SMARCA4: variants seen among roughly 807,000 people sequenced by gnomAD.
The protein encoded by SMARCA4 is SWI/SNF-related matrix-associated actin-dependent regulator of chromatin subfamily A member 4.
A neutral mutation model predicts 193.9 loss-of-function variants in SMARCA4; 31 were observed. That is an observed-to-expected ratio of 0.16 (90% CI 0.12 to 0.22). The LOEUF is 0.22. SMARCA4 is among the 10% of genes least tolerant of loss of function. The probability of loss-of-function intolerance (pLI) is 1.00; values close to 1 mark genes in which losing one functional copy is unlikely to be tolerated. For synonymous variants in SMARCA4, 942 were observed against 933.1 expected (o/e 1.01, Z -0.17); for missense variants, 1,148 against 2,296.0 (o/e 0.50, Z 10.22).
At chr19:10,990,000 G>C (rs563069268) in intron 7 of SMARCA4, among the ~76,000 whole-genome samples, 1 of 151,246 alleles carries the variant, frequency 6.6e-6, no homozygotes, top group East Asian at 2.0e-4. Context: ...GTGCTGTCCT[G>C]CATGGGTCTA....
chr19:10,966,126 G>A (rs2084199698), intron 1 of SMARCA4, among the ~76,000 whole-genome samples: 1 of 151,706 alleles, frequency 6.6e-6, no homozygotes, highest in Non-Finnish European at 1.5e-5. Context: ...GGGATTACAG[G>A]TGCCCGCCAC....
chr19:11,045,811 C>G (rs1464539479), intron 30 of SMARCA4, among the ~76,000 whole-genome samples: 1 of 152,166 alleles, frequency 6.6e-6, no homozygotes, highest in East Asian at 1.9e-4. Context: ...CGGCTGGGCA[C>G]AGTGGCTCAC....
chr19:11,022,107 G>A (rs2146430001), intron 19 of SMARCA4, 140 bp downstream of exon 19: 1 of 1,348,340 alleles, frequency 7.4e-7, no homozygotes, highest in South Asian at 1.2e-5. Flanking sequence ...TGGAGCAGGG[G>A]AGCCCTGGAA....
intron 30 of SMARCA4, among the ~76,000 whole-genome samples, chr19:11,055,794 A>G (rs1189061451): frequency 6.6e-6 from 1 of 151,926 alleles, no homozygotes; most frequent in African/African-American, 2.4e-5. Flanking sequence ...GGGTTTTGCC[A>G]TGTTGTCCAG....
intron 11 of SMARCA4, among the ~76,000 whole-genome samples, chr19:11,001,758 G>A (rs114803459): frequency 0.01 from 1,542 of 152,318 alleles, 23 homozygotes; most frequent in African/African-American, 0.035. Flanking sequence ...AGTTTTGCAG[G>A]TAGTTATAAA....
intron 29 of SMARCA4, among the ~76,000 whole-genome samples, chr19:11,036,870 G>A (rs371853131): frequency 7.7e-4 from 117 of 152,302 alleles, no homozygotes; most frequent in Non-Finnish European, 5.7e-4. Flanking sequence ...TGTTCTGGGC[G>A]TTTCCTGTCA....
intron 30 of SMARCA4, among the ~76,000 whole-genome samples, chr19:11,054,729 C>T (rs935410039): frequency 3.9e-5 from 6 of 152,152 alleles, no homozygotes; most frequent in Admixed American, 2.6e-4. Flanking sequence ...GCAGAGGTTG[C>T]AGTGAGCCGA....
In SMARCA4 at chr19:10,965,970, GTTTTTTTTTTT is replaced by G. The variant is rs372236923; in HGVS notation, c.-32+4815_-32+4825del. On this transcript the variant is annotated intron_variant, in intron 1 of 34. Coordinates refer to ENST00000344626, the MANE Select transcript of SMARCA4 (RefSeq NM_003072.5). ...AAGGGAGAGTGTGTTTAGTGGCATG[GTTTTTTTTTTT>G]TTTTTTTTTTTTTTTTTTGAGGTGA... is the stretch of plus-strand genomic sequence containing the variant. Among the ~76,000 whole-genome samples the G allele has an allele frequency of 2.4e-4, 19 of 78,986 alleles. No individual in the cohort carries two copies. The South Asian group carries it at 6.3e-3, about 26-fold the overall frequency. The allele number at this position is 78,986 out of a possible 152,430, so 51.8% of individuals were successfully genotyped here.
At chr19:10,961,738 C>T (rs2083824660) in intron 1 of SMARCA4, 1 of 152,238 alleles carries the variant, frequency 6.6e-6, no homozygotes, top group Non-Finnish European at 1.5e-5. Flanking sequence ...AGGTAAAGGA[C>T]TCCCCCGATG....
At chr19:10,996,124 C>A in intron 9 of SMARCA4, 89 bp from the exon 10 acceptor site, 1 of 1,362,544 alleles carries the variant, frequency 7.3e-7, no homozygotes. Flanking sequence ...TACGCGTGCC[C>A]TCAGTGCGCT....
At chr19:10,998,248 G>C (rs1055671298) in intron 11 of SMARCA4, among the ~76,000 whole-genome samples, 2 of 152,152 alleles carry the variant, frequency 1.3e-5, no homozygotes, top group African/African-American at 4.8e-5. Flanking sequence ...CTTGTGGTTG[G>C]AGTTGGGTTA....
Position 10,998,316 on chromosome 19 carries a change from G to A in SMARCA4, c.1812+1772G>A, listed in dbSNP as rs112244021. 3.6e-3 allele frequency among the ~76,000 whole-genome samples: 554 copies of A among 152,242 alleles called. 6 individuals carry two copies. The highest frequency in any genetic ancestry group is 0.012 in the African/African-American group (512 of 41,526). Reference sequence around the variant, plus strand: ...TGAGTCCCTCTCAGGGTGTCATATCGAGAGTGCATGGCGGAGGTTAGCAAA... The same window carrying A: ...TGAGTCCCTCTCAGGGTGTCATATCAAGAGTGCATGGCGGAGGTTAGCAAA... On this transcript the variant is annotated intron_variant, in intron 11 of 34. Transcript: ENST00000344626.
intron 6 of SMARCA4, 131 bp from the exon 7 acceptor site, chr19:10,989,186 C>A: frequency 8.6e-7 from 1 of 1,163,252 alleles, no homozygotes; most frequent in Non-Finnish European, 1.3e-6. Context: ...GGCCAGCATC[C>A]TCTTCTGAGG....
At chr19:11,047,410 G>GTTT (rs71164138) in intron 30 of SMARCA4, among the ~76,000 whole-genome samples, 28 of 143,962 alleles carry the variant, frequency 1.9e-4, no homozygotes, top group African/African-American at 6.7e-4. Flanking sequence ...GTGTCCAGAG[G>GTTT]TTTTTTTTTT....
At chr19:10,972,095 G>A (rs1219299831) in intron 1 of SMARCA4, among the ~76,000 whole-genome samples, 2 of 151,950 alleles carry the variant, frequency 1.3e-5, no homozygotes, top group South Asian at 4.2e-4. Flanking sequence ...GAGTAGCTGG[G>A]ATTACGGGCG....
At chr19:10,963,229 C>T (rs932064231) in intron 1 of SMARCA4, among the ~76,000 whole-genome samples, 2 of 151,614 alleles carry the variant, frequency 1.3e-5, no homozygotes, top group African/African-American at 4.8e-5. Flanking sequence ...AAAAATTAGC[C>T]GAGTGTGGTG....
intron 25 of SMARCA4, chr19:11,032,787 C>T (rs898505950): frequency 8.7e-6 from 2 of 230,876 alleles, no homozygotes; most frequent in South Asian, 7.0e-5. Context: ...GCAGTAGCCA[C>T]GGGTTGGGCC....
At chr19:10,983,580 G>A (rs754226047) in intron 1 of SMARCA4, 8 of 161,416 alleles carry the variant, frequency 5.0e-5, no homozygotes, top group South Asian at 1.7e-4. Flanking sequence ...GACCACAGGC[G>A]TGTGCCACCA....
chr19:11,017,522 G>A (rs1029001290), intron 16 of SMARCA4, among the ~76,000 whole-genome samples: 3 of 152,382 alleles, frequency 2.0e-5, no homozygotes, highest in Admixed American at 6.5e-5. Context: ...CGGCTGTGCC[G>A]GCCCTCTCAC....
Sources: allele counts gnomAD v4.1 joint callset (sites outside exome capture counted in the v4.1 genomes callset), GRCh38; gene constraint gnomAD v4.1.1; transcripts MANE v1.5; gene names NCBI Gene and HGNC (gene_info 2026-07-23, HGNC 2026-07-21).